WRN: variants seen among roughly 807,000 people sequenced by gnomAD.
WRN encodes bifunctional 3'-5' exonuclease/ATP-dependent helicase WRN.
WRN carries 149 observed loss-of-function variants against 180.7 expected under a neutral mutation model. The ratio of observed to expected loss-of-function variants is 0.82; its 90% confidence interval spans 0.72 to 0.94. The LOEUF (loss-of-function observed/expected upper bound fraction) is 0.94. WRN is among the 40% of genes least tolerant of loss of function. The pLI is 0.00. For synonymous variants in WRN, 548 were observed against 568.9 expected (o/e 0.96, Z 0.52); for missense variants, 1,661 against 1,700.1 (o/e 0.98, Z 0.40).
intron 9 of WRN, 103 bp downstream of exon 9, chr8:31,081,399 T>TAA (rs1813307107): frequency 1.6e-6 from 2 of 1,253,852 alleles, no homozygotes. Context: ...TTGTGGGACA[T>TAA]ACAGTCTCTG....
rs572498143 is a variant in WRN, at chr8:31,046,852, A to T, written c.-76-11520A>T. ...GTCTCTGAAATACAGTAGAAAAATA[A>T]TTAGACTGGAGGATAACTTTTTTCC... On this transcript the variant is annotated intron_variant, in intron 1 of 34. Coordinates refer to ENST00000298139, the MANE Select transcript of WRN (RefSeq NM_000553.6). Among the ~76,000 whole-genome samples, 4 of 152,374 alleles carry T rather than the reference A, an allele frequency of 2.6e-5. No homozygotes were observed. The South Asian group carries it at 6.2e-4, about 24-fold the overall frequency.
intron 23 of WRN, among the ~76,000 whole-genome samples, chr8:31,126,210 A>G (rs967885987): frequency 6.6e-6 from 1 of 152,146 alleles, no homozygotes; most frequent in African/African-American, 2.4e-5. Context: ...TACACATTCA[A>G]GTGCAGATGC....
intron 1 of WRN, among the ~76,000 whole-genome samples, chr8:31,044,522 A>C (rs1585387061): frequency 6.6e-6 from 1 of 151,742 alleles, no homozygotes; most frequent in East Asian, 1.9e-4. Flanking sequence ...ATGCTCTGCT[A>C]ATTTTTGTAT....
chr8:31,154,632 C>A lies in WRN; in HGVS notation c.3696C>A (p.Leu1232=). 6.2e-7 allele frequency: 1 copy of A among 1,612,574 alleles called. No individual in the cohort carries two copies. Among genetic ancestry groups the A allele is most frequent in the Non-Finnish European group, 8.5e-7 (1 of 1,179,146 alleles). The change falls in exon 32 of 35, where the codon CTC becomes CTA. Residue 1232 remains leucine, a synonymous_variant. Coordinates refer to ENST00000298139, the MANE Select transcript of WRN (RefSeq NM_000553.6). ...FCQTNSVQTD[L]FSSTKPQEEQ... is the part of the protein sequence containing the mutation. ...CATTAAAAATTCTGTAGACAGACCT[C>A]TTTTCAAGTACAAAACCTCAAGAAG...
At chr8:31,158,958 A>G (rs1225101702) in intron 33 of WRN, among the ~76,000 whole-genome samples, 1 of 152,056 alleles carries the variant, frequency 6.6e-6, no homozygotes, top group Non-Finnish European at 1.5e-5. Context: ...CAAATACTGC[A>G]TGTTCTTACT....
intron 11 of WRN, among the ~76,000 whole-genome samples, chr8:31,086,080 G>A (rs1029107618): frequency 5.3e-5 from 8 of 151,932 alleles, no homozygotes; most frequent in Non-Finnish European, 1.0e-4. Flanking sequence ...TTTGTCAGGT[G>A]TTACTAACCA....
intron 18 of WRN, among the ~76,000 whole-genome samples, chr8:31,108,692 T>G (rs936256384): frequency 1.3e-5 from 2 of 152,044 alleles, no homozygotes; most frequent in African/African-American, 4.8e-5. Flanking sequence ...AGCCACAGGT[T>G]TGCAGTGTTA....
rs757722268 is a variant in WRN, at chr8:31,091,886, C to T, written c.1886C>T (p.Thr629Ile). The change falls in exon 16 of 35, where the codon ACA (threonine) becomes ATA (isoleucine). Residue 629 changes from threonine to isoleucine, a missense_variant. Physicochemically the swap from Thr to Ile is moderately conservative, Grantham distance 89. Transcript: ENST00000298139. The part of the protein sequence containing the change: ...LGSAQSENVL[T>I]DIKLGKYRIV... ...TCAGCACAGTCAGAAAATGTTCTAA[C>T]AGATATTAAATTGTGAGTAATTTTT... 5 of 1,612,824 alleles carry T rather than the reference C, an allele frequency of 3.1e-6. No homozygotes were observed. The highest frequency in any genetic ancestry group is 3.4e-6 in the Non-Finnish European group (4 of 1,179,150).
chr8:31,140,990 C>G (rs183513625), intron 24 of WRN, among the ~76,000 whole-genome samples: 2 of 151,998 alleles, frequency 1.3e-5, no homozygotes, highest in Non-Finnish European at 2.9e-5. Flanking sequence ...CTCCTGACCT[C>G]GTGATCTGCC....
intron 10 of WRN, among the ~76,000 whole-genome samples, chr8:31,084,653 C>T (rs114160227): frequency 0.017 from 2,628 of 151,994 alleles, no homozygotes; most frequent in African/African-American, 0.061. Flanking sequence ...TGGCAGTAGA[C>T]TGAATAAATA....
intron 8 of WRN, among the ~76,000 whole-genome samples, chr8:31,079,464 C>T (rs1813218836): frequency 6.6e-6 from 1 of 152,184 alleles, no homozygotes; most frequent in Non-Finnish European, 1.5e-5. Context: ...TCACTGATTT[C>T]TGCTTTTATG....
intron 8 of WRN, among the ~76,000 whole-genome samples, chr8:31,078,194 C>T (rs1813167348): frequency 6.6e-6 from 1 of 152,092 alleles, no homozygotes; most frequent in Non-Finnish European, 1.5e-5. Context: ...CATATTGAAG[C>T]TGAATAGGTT....
rs759046519 is a variant in WRN, at chr8:31,081,039, G to A, written c.1012G>A (p.Val338Ile). ...VQQKQIREHE[V>I]LIHVEDETWD... Reference sequence around the variant, plus strand: ...ACAGAAACAAATTAGAGAACATGAAGTTTTAATTCACGTTGAAGATGAAAC... The same window carrying A: ...ACAGAAACAAATTAGAGAACATGAAATTTTAATTCACGTTGAAGATGAAAC... Residue 338 changes from valine to isoleucine, a missense_variant, in exon 9 of 35, where the codon GTT becomes ATT. By Grantham distance (29) the Val-to-Ile change is conservative. Around this residue, in one of 3 missense-constraint regions of WRN, gnomAD observed 500 missense variants for 504.1 expected, o/e 0.99. Transcript: ENST00000298139. 2 of 1,613,968 alleles carry A rather than the reference G, an allele frequency of 1.2e-6. No homozygotes were observed. Among genetic ancestry groups the A allele is most frequent in the South Asian group, 1.1e-5 (1 of 91,082 alleles).
chr8:31,101,849 A>T (rs2130235472), intron 18 of WRN, among the ~76,000 whole-genome samples: 1 of 150,944 alleles, frequency 6.6e-6, no homozygotes, highest in Admixed American at 6.6e-5. Context: ...TGATTGGCAT[A>T]TTTACATGAA....
At chr8:31,157,270 A>G in intron 32 of WRN, 98 bp from the exon 33 acceptor site, 3 of 1,535,610 alleles carry the variant, frequency 2.0e-6, no homozygotes, top group Non-Finnish European at 2.7e-6. Context: ...TTTATTTCAC[A>G]CTGAGCATTT....
At chr8:31,090,720 T>C in intron 14 of WRN, 114 bp from the exon 15 acceptor site, 1 of 1,044,836 alleles carries the variant, frequency 9.6e-7, no homozygotes, top group Non-Finnish European at 1.4e-6. Flanking sequence ...GATAGCATAC[T>C]AGTATTGACC....
At chr8:31,065,207 T>C in intron 5 of WRN, 144 bp downstream of exon 5, 1 of 783,836 alleles carries the variant, frequency 1.3e-6, no homozygotes, top group African/African-American at 1.8e-5. Context: ...CAAGTGAATG[T>C]TCTTTAATGA....
intron 7 of WRN, among the ~76,000 whole-genome samples, chr8:31,075,787 T>C (rs534623678): frequency 6.6e-6 from 1 of 152,138 alleles, no homozygotes; most frequent in African/African-American, 2.4e-5. Context: ...CAATGAGGGA[T>C]GACTGTTGGA....
intron 16 of WRN, among the ~76,000 whole-genome samples, chr8:31,093,467 A>T (rs560879186): frequency 6.6e-6 from 1 of 152,134 alleles, no homozygotes; most frequent in Non-Finnish European, 1.5e-5. Flanking sequence ...TGAATATAGC[A>T]CAGTTTGTTT....
Sources: allele counts gnomAD v4.1 joint callset (sites outside exome capture counted in the v4.1 genomes callset), GRCh38; gene constraint gnomAD v4.1.1; regional missense constraint gnomAD v4.1.1; transcripts MANE v1.5; gene names NCBI Gene and HGNC (gene_info 2026-07-23, HGNC 2026-07-21).